The following HCN4 variants were observed in gnomAD, a reference collection of about 807,000 sequenced individuals.
HCN4 encodes potassium/sodium hyperpolarization-activated cyclic nucleotide-gated channel 4.
Under a neutral mutation model 76.9 loss-of-function variants are expected in HCN4, and 29 were observed. That is an observed-to-expected ratio of 0.38 (90% CI 0.28 to 0.51). The LOEUF is 0.51. Among genes scored for constraint, HCN4 ranks in the 20% least tolerant of loss-of-function variants. The pLI, the probability that HCN4 is intolerant of heterozygous loss-of-function variation, is 0.90. For synonymous variants in HCN4, 772 were observed against 762.5 expected, an observed-to-expected ratio of 1.01 and a Z score of -0.21; for missense variants, 1,416 against 1,715.2, an observed-to-expected ratio of 0.83 and a Z score of 3.08.
At chr15:73,363,329 A>G (rs2043114641) in intron 1 of HCN4, among the ~76,000 whole-genome samples, 1 of 152,184 alleles carries the variant, frequency 6.6e-6, no homozygotes, top group South Asian at 2.1e-4. Context: ...GAGGAAATAG[A>G]AAAGAAACCA....
chr15:73,327,426 A>G (rs774274309), intron 4 of HCN4, among the ~76,000 whole-genome samples: 1 of 151,894 alleles, frequency 6.6e-6, no homozygotes, highest in Non-Finnish European at 1.5e-5. Flanking sequence ...TGCTTTTTCT[A>G]AACTAATCCC....
intron 2 of HCN4, among the ~76,000 whole-genome samples, chr15:73,342,838 T>C (rs891318582): frequency 3.3e-5 from 5 of 149,326 alleles, no homozygotes; most frequent in African/African-American, 4.9e-5. Flanking sequence ...CCTGGGCCCA[T>C]TCCCACTTGA....
chr15:73,346,129 G>A lies in HCN4; in HGVS notation c.786-2321C>T, dbSNP rs1216170733. Among the ~76,000 whole-genome samples, 4 of 152,172 alleles carry A rather than the reference G, an allele frequency of 2.6e-5. No homozygotes were observed. In the East Asian group the frequency reaches 7.7e-4, roughly 29 times the overall value. On this transcript the variant is annotated intron_variant, in intron 1 of 7. Coordinates refer to ENST00000261917, the MANE Select transcript of HCN4 (RefSeq NM_005477.3). ...TTTCCAGCACTCGATCTGGGCTGGGGTCGGGATCCTGGATCATTCTTTCCC... is the reference window on the plus strand; with the variant it reads ...TTTCCAGCACTCGATCTGGGCTGGGATCGGGATCCTGGATCATTCTTTCCC...
chr15:73,330,152 C>T (rs1308492930), intron 3 of HCN4, among the ~76,000 whole-genome samples: 1 of 152,246 alleles, frequency 6.6e-6, no homozygotes, highest in African/African-American at 2.4e-5. Flanking sequence ...CTCCACCCCC[C>T]AACCCCCTAA....
rs543616525 is a variant in HCN4, at chr15:73,328,060, G to A, written c.1590+1513C>T. On this transcript the variant is annotated intron_variant, in intron 4 of 7. Transcript: ENST00000261917. This position sits in a 1 kb window ranked among gnomAD's most constrained non-coding sequence, Gnocchi z 4.0. ...CCTCATGGAGCCGTGGCCTGGAGAG[G>A]GAAGGTGGGTTTGTTAAACAGATGG... Among the ~76,000 whole-genome samples the A allele has an allele frequency of 8.3e-4, 127 of 152,294 alleles. 1 individual carries two copies. Among genetic ancestry groups the A allele is most frequent in the African/African-American group, 2.9e-3 (120 of 41,574 alleles).
intron 3 of HCN4, among the ~76,000 whole-genome samples, chr15:73,330,250 G>A (rs753140544): frequency 1.3e-5 from 2 of 152,218 alleles, no homozygotes; most frequent in Non-Finnish European, 2.9e-5. Context: ...CTGGCGGACT[G>A]AGCCGAAAAA....
At chr15:73,365,078 G>T (rs1283098553) in intron 1 of HCN4, among the ~76,000 whole-genome samples, 1 of 152,174 alleles carries the variant, frequency 6.6e-6, no homozygotes, top group South Asian at 2.1e-4. Flanking sequence ...ACACATAGAG[G>T]CCCAAGGCCA....
chr15:73,367,946 C>A lies in HCN4; in HGVS notation c.325G>T (p.Gly109Cys). 7.4e-7 allele frequency: 1 copy of A among 1,356,700 alleles called. No individual in the cohort carries two copies. The highest frequency in any genetic ancestry group is 9.4e-7 in the Non-Finnish European group (1 of 1,058,632). The allele number at this position is 1,356,700 out of a possible 1,614,324, so 84.0% of individuals were successfully genotyped here. A position where few individuals can be genotyped will look rare whatever the true frequency, so the allele number is the denominator to read the frequency against. ...SLASLGSRGG[G>C]SGGTGSGSSH... ...CTGCCGCTCCCCGTGCCGCCGCTGC[C>A]GCCGCCCCGGCTGCCCAGCGAGGCC... The change falls in exon 1 of 8, where the codon GGC (glycine) becomes TGC (cysteine). Residue 109 changes from glycine (G) to cysteine (C), a missense_variant. Gly to Cys is a radical substitution (Grantham distance 159). Around this residue, in one of 6 missense-constraint regions of HCN4, gnomAD observed 355 missense variants for 347.8 expected, o/e 1.02. Coordinates refer to ENST00000261917, the MANE Select transcript of HCN4 (RefSeq NM_005477.3). The surrounding 1 kb of genome is among the most constrained non-coding windows in gnomAD (Gnocchi z 7.5).
chr15:73,342,421 C>T (rs1201573594), intron 2 of HCN4: 1 of 152,280 alleles, frequency 6.6e-6, no homozygotes, highest in African/African-American at 2.4e-5. Context: ...TTGTCAGAGG[C>T]CTGCCCGGGC....
intron 2 of HCN4, among the ~76,000 whole-genome samples, chr15:73,341,253 A>AT (rs2043000780): frequency 6.6e-6 from 1 of 151,754 alleles, no homozygotes; most frequent in African/African-American, 2.4e-5. Context: ...CAATTCTCTT[A>AT]TTTCAGCCTC....
In HCN4 at chr15:73,347,493, T is replaced by C. The variant is rs919055885; in HGVS notation, c.786-3685A>G. Among the ~76,000 whole-genome samples, 60 of 152,094 alleles carry C rather than the reference T, an allele frequency of 3.9e-4. 1 individual carries two copies. The highest frequency in any genetic ancestry group is 6.6e-4 in the Non-Finnish European group (45 of 68,018). On this transcript the variant is annotated intron_variant, in intron 1 of 7. Transcript: ENST00000261917. ...GCCCATGCTCCTGATGCTAGGGCTG[T>C]CTGAGGTAGAGGAAGTAGCACACCT...
intron 1 of HCN4, among the ~76,000 whole-genome samples, chr15:73,349,091 T>A (rs756494041): frequency 6.3e-5 from 9 of 143,528 alleles, no homozygotes; most frequent in Non-Finnish European, 1.1e-4. Flanking sequence ...GCTGCTTCCA[T>A]GATGGCTTCT....
chr15:73,337,634 G>C (rs1005453900), intron 2 of HCN4, among the ~76,000 whole-genome samples: 3 of 152,196 alleles, frequency 2.0e-5, no homozygotes, highest in African/African-American at 7.2e-5. Flanking sequence ...CGTGATCTCA[G>C]CAATGAACAC....
chr15:73,366,517 T>C (rs900711789), intron 1 of HCN4, among the ~76,000 whole-genome samples: 4 of 152,192 alleles, frequency 2.6e-5, no homozygotes, highest in African/African-American at 9.7e-5. Context: ...CTAGGGAACC[T>C]TAGGACCTTG....
In HCN4 at chr15:73,323,257, G is replaced by A; in HGVS notation, c.2836C>T (p.Pro946Ser). 6.6e-7 allele frequency: 1 copy of A among 1,525,470 alleles called. No homozygotes were observed. Among genetic ancestry groups the A allele is most frequent in the Non-Finnish European group, 8.8e-7 (1 of 1,136,450 alleles). The allele number at this position is 1,525,470 out of a possible 1,614,324, so 94.5% of individuals were successfully genotyped here. A position where few individuals can be genotyped will look rare whatever the true frequency, so the allele number is the denominator to read the frequency against. ...AGTCCCAGGCCTCCCCGGGCCCCGG[G>A]TGGCGCGGGAGATGGCTGGGCAGCC... ...PQAAQPSPAPPGARGGLGLPE... is the reference protein window; with the variant it reads ...PQAAQPSPAPSGARGGLGLPE... The change falls in exon 8 of 8, where the codon CCC becomes TCC. Residue 946 changes from proline (P) to serine (S), a missense_variant. Pro to Ser is a moderately conservative substitution (Grantham distance 74). Coordinates refer to ENST00000261917, the MANE Select transcript of HCN4 (RefSeq NM_005477.3).
chr15:73,362,469 T>C (rs2043109271), intron 1 of HCN4, among the ~76,000 whole-genome samples: 2 of 152,248 alleles, frequency 1.3e-5, no homozygotes, highest in African/African-American at 4.8e-5. Flanking sequence ...CCAGACCTAC[T>C]GAATCAGAAT....
At position 73,325,480 on chromosome 15, in the gene HCN4, A is replaced by G; in HGVS notation, c.1591-36T>C. The G allele has an allele frequency of 1.2e-6, 2 of 1,612,132 alleles. No individual in the cohort carries two copies. The highest frequency in any genetic ancestry group is 1.7e-6 in the Non-Finnish European group (2 of 1,178,692). On this transcript the variant is annotated intron_variant, in intron 4 of 7. Transcript: ENST00000261917. This position sits in a 1 kb window ranked among gnomAD's most constrained non-coding sequence, Gnocchi z 7.4. ...GAGAAGGGGGCGTCAGCTCCACCCCACCAGGGGGCGTCAGCAGCCAGCCCC... is the reference window on the plus strand; with the variant it reads ...GAGAAGGGGGCGTCAGCTCCACCCCGCCAGGGGGCGTCAGCAGCCAGCCCC...
At chr15:73,331,201 A>G (rs2042930391) in intron 3 of HCN4, among the ~76,000 whole-genome samples, 1 of 152,092 alleles carries the variant, frequency 6.6e-6, no homozygotes, top group Non-Finnish European at 1.5e-5. Context: ...GGGGACTGGA[A>G]ACTCTGCCCT....
intron 1 of HCN4, among the ~76,000 whole-genome samples, chr15:73,355,617 C>A (rs2043074827): frequency 6.6e-6 from 1 of 152,172 alleles, no homozygotes; most frequent in Non-Finnish European, 1.5e-5. Context: ...TGCAACCGCA[C>A]CTTCTCAACA....
Sources: gnomAD v4.1 joint callset for allele counts (sites outside exome capture counted in the v4.1 genomes callset) on GRCh38, gnomAD v4.1.1 for gene constraint, gnomAD v4.1.1 regional missense constraint, Gnocchi (gnomAD v3.1) non-coding constraint, MANE v1.5 for transcripts, NCBI Gene and HGNC (gene_info 2026-07-23, HGNC 2026-07-21) for gene names.